The following RAB40B variants were observed in gnomAD, a reference collection of about 807,000 sequenced individuals.
RAB40B encodes RAB40B, member RAS oncogene family.
A neutral mutation model predicts 24.0 loss-of-function variants in RAB40B; 21 were observed. The observed-to-expected ratio is 0.88, with a 90% CI of 0.62 to 1.26. RAB40B has a LOEUF of 1.26. Among genes scored for constraint, RAB40B ranks in the 50% most tolerant of loss-of-function variants. RAB40B has a pLI of 0.00. For synonymous variants in RAB40B, 167 were observed against 169.8 expected, an observed-to-expected ratio of 0.98 and a Z score of 0.13; for missense variants, 348 against 390.5, an observed-to-expected ratio of 0.89 and a Z score of 0.92.
intron 2 of RAB40B, chr17:82,661,273 A>T: frequency 7.6e-7 from 1 of 1,322,918 alleles, no homozygotes; most frequent in Non-Finnish European, 9.6e-7. Flanking sequence ...AAGTCAAACT[A>T]GAAAAAATAG....
chr17:82,696,158 G>A (rs1477575854), intron 1 of RAB40B, among the ~76,000 whole-genome samples: 3 of 152,140 alleles, frequency 2.0e-5, no homozygotes, highest in Non-Finnish European at 2.9e-5. Context: ...GTGAGCCACC[G>A]CCCCCGGCCC....
Position 82,675,396 on chromosome 17 carries a change from C to T in RAB40B, c.143-10840G>A, listed in dbSNP as rs1400935665. Reference sequence around the variant, plus strand: ...CCTGTCTGACGTGGTCTCCACCAAGCGCTGGCTTCCTTCACAGCAGCACTT... The same window carrying T: ...CCTGTCTGACGTGGTCTCCACCAAGTGCTGGCTTCCTTCACAGCAGCACTT... On this transcript the variant is annotated intron_variant, in intron 1 of 5. Coordinates refer to ENST00000571995, the MANE Select transcript of RAB40B (RefSeq NM_006822.3). The surrounding 1 kb of genome is among the most constrained non-coding windows in gnomAD (Gnocchi z 4.5). Among the ~76,000 whole-genome samples the T allele has an allele frequency of 2.0e-5, 3 of 152,150 alleles. No individual in the cohort carries two copies. The highest frequency in any genetic ancestry group is 2.0e-4 in the Admixed American group (3 of 15,258).
chr17:82,687,919 A>G (rs560528869), intron 1 of RAB40B, among the ~76,000 whole-genome samples: 11 of 152,296 alleles, frequency 7.2e-5, no homozygotes, highest in Non-Finnish European at 1.3e-4. Context: ...TAAAAATAAA[A>G]TAATTAGCCG....
chr17:82,682,376 A>G (rs1040621689), intron 1 of RAB40B, among the ~76,000 whole-genome samples: 1 of 152,236 alleles, frequency 6.6e-6, no homozygotes, highest in African/African-American at 2.4e-5. Context: ...AGACTTATAT[A>G]TTAAAAGCTA....
intron 1 of RAB40B, among the ~76,000 whole-genome samples, chr17:82,670,030 A>C (rs138600310): frequency 5.3e-5 from 8 of 152,306 alleles, no homozygotes; most frequent in Non-Finnish European, 1.2e-4. Context: ...TCCAGCTTTG[A>C]TATGTCTGTC....
chr17:82,659,369 CT>C (rs2143444663), intron 4 of RAB40B: 1 of 571,818 alleles, frequency 1.7e-6, no homozygotes, highest in African/African-American at 1.9e-5. Context: ...TCTGGACCAG[CT>C]TCCTGAGCTT....
At chr17:82,686,914 C>T (rs919829255) in intron 1 of RAB40B, among the ~76,000 whole-genome samples, 3 of 152,026 alleles carry the variant, frequency 2.0e-5, no homozygotes, top group African/African-American at 7.2e-5. Context: ...CCATCCAGTG[C>T]TGGGGCGAAG....
chr17:82,664,854 G>A (rs1006865579), intron 1 of RAB40B: 7 of 296,714 alleles, frequency 2.4e-5, no homozygotes, highest in Non-Finnish European at 2.6e-5. Flanking sequence ...CCTGGAGGCC[G>A]GTGGGTTTGC....
In RAB40B at chr17:82,685,329, G is replaced by A. The variant is rs898442017; in HGVS notation, c.142+13126C>T. The stretch of plus-strand genomic sequence containing the variant: ...AACACCACAGAAAGAGACAGCACAC[G>A]CAGTGGTCCTCAACTGTGGCCGTGC... On this transcript the variant is annotated intron_variant, in intron 1 of 5. Transcript: ENST00000571995. Among the ~76,000 whole-genome samples, 4 of 151,682 alleles carry A rather than the reference G, an allele frequency of 2.6e-5. 1 individual carries two copies. Among genetic ancestry groups the A allele is most frequent in the Admixed American group, 2.0e-4 (3 of 15,232 alleles).
In RAB40B at chr17:82,664,538, G is replaced by T. The variant is rs760889224; in HGVS notation, c.161C>A (p.Thr54Asn). Residue 54 changes from threonine (T) to asparagine (N), a missense_variant, in exon 2 of 6, where the codon ACC becomes AAC. By Grantham distance (65) the Thr-to-Asn change is moderately conservative (BLOSUM62 0). Around this residue, in one of 3 missense-constraint regions of RAB40B, gnomAD observed 101 missense variants for 85.5 expected, o/e 1.18. Transcript: ENST00000571995. ...CCGCCGCCCGTCCAGCAGGATGGTG[G>T]TCGTCTTGTAGTCGATGCCTGCGGA... ...GHPAGIDYKT[T>N]TILLDGRRVK... is the part of the protein sequence containing the mutation. 2 of 1,613,504 alleles carry T rather than the reference G, an allele frequency of 1.2e-6. No homozygotes were observed. The highest frequency in any genetic ancestry group is 2.7e-5 in the African/African-American group (2 of 74,874).
chr17:82,685,733 C>A (rs2046492914), intron 1 of RAB40B, among the ~76,000 whole-genome samples: 1 of 152,208 alleles, frequency 6.6e-6, no homozygotes, highest in Non-Finnish European at 1.5e-5. Context: ...GTTGAAGTGT[C>A]CCCCAAAGGC....
At chr17:82,665,915 CTA>C (rs2046250387) in intron 1 of RAB40B, among the ~76,000 whole-genome samples, 1 of 149,860 alleles carries the variant, frequency 6.7e-6, no homozygotes, top group African/African-American at 2.5e-5. Flanking sequence ...AAAAAAAAAA[CTA>C]CACTTAAAAA....
At position 82,693,772 on chromosome 17, in the gene RAB40B, C is replaced by A. The variant is rs80075184; in HGVS notation, c.142+4683G>T. ...GAGAGTCTCTTTCACATAACGGGGG[C>A]CAGAGACACAGTCACAGAAGTGCAC... is the stretch of plus-strand genomic sequence containing the variant. On this transcript the variant is annotated intron_variant, in intron 1 of 5. Coordinates refer to ENST00000571995, the MANE Select transcript of RAB40B (RefSeq NM_006822.3). 9.1e-3 allele frequency among the ~76,000 whole-genome samples: 1,392 copies of A among 152,142 alleles called. 11 individuals carry two copies. Among genetic ancestry groups the A allele is most frequent in the Middle Eastern group, 0.037 (11 of 294 alleles).
chr17:82,658,687 C>T lies in RAB40B; in HGVS notation c.369G>A (p.Leu123=), dbSNP rs2046120630. 1 of 1,612,668 alleles carries T rather than the reference C, an allele frequency of 6.2e-7. No homozygotes were observed. The change falls in exon 5 of 6, where the codon CTG becomes CTA. Residue 123 remains leucine, a synonymous_variant. Transcript: ENST00000571995. ...ACGCCAGGTGCAGGCGGTTCCCCAC[C>T]AGGATCTTGGGGACTCCGGGGGCAT... ...DEHAPGVPKI[L]VGNRLHLAFK... is the part of the protein sequence containing the mutation.
intron 1 of RAB40B, among the ~76,000 whole-genome samples, chr17:82,668,605 G>A (rs1467775079): frequency 6.6e-6 from 1 of 152,270 alleles, no homozygotes; most frequent in Non-Finnish European, 1.5e-5. Flanking sequence ...GGACCCACCC[G>A]GATGGTCTGC....
intron 1 of RAB40B, among the ~76,000 whole-genome samples, chr17:82,687,678 T>C (rs2046515687): frequency 1.3e-5 from 2 of 152,164 alleles, no homozygotes; most frequent in Admixed American, 6.5e-5. Flanking sequence ...CTGTGAGAGG[T>C]GCTGGCATCC....
At chr17:82,674,407 G>A (rs1246755717) in intron 1 of RAB40B, among the ~76,000 whole-genome samples, 7 of 149,930 alleles carry the variant, frequency 4.7e-5, no homozygotes, top group African/African-American at 9.8e-5. Flanking sequence ...CAAGGTGGGC[G>A]GATCATGAGG....
Position 82,659,750 on chromosome 17 carries a change from T to C in RAB40B, c.265-93A>G, listed in dbSNP as rs2046138418. ...AAGACATACAACTAAATAACCACTT[T>C]CCTTATTTTAACACAAAGTACATAA... On this transcript the variant is annotated intron_variant, in intron 3 of 5. Coordinates refer to ENST00000571995, the MANE Select transcript of RAB40B (RefSeq NM_006822.3). 5.2e-6 allele frequency: 5 copies of C among 970,402 alleles called. No individual in the cohort carries two copies. In the East Asian group the frequency reaches 7.4e-5, roughly 14 times the overall value. The allele number at this position is 970,402 out of a possible 1,614,324, so 60.1% of individuals were successfully genotyped here. A position where few individuals can be genotyped will look rare whatever the true frequency, so the allele number is the denominator to read the frequency against.
At chr17:82,665,637 C>T (rs1456268604) in intron 1 of RAB40B, among the ~76,000 whole-genome samples, 6 of 152,000 alleles carry the variant, frequency 3.9e-5, no homozygotes, top group Admixed American at 2.0e-4. Context: ...GAGGCTGAGG[C>T]GGGTGGATCA....
Sources: allele counts gnomAD v4.1 joint callset (sites outside exome capture counted in the v4.1 genomes callset), GRCh38; gene constraint gnomAD v4.1.1; regional missense constraint gnomAD v4.1.1; non-coding constraint Gnocchi (gnomAD v3.1); transcripts MANE v1.5; gene names NCBI Gene and HGNC (gene_info 2026-07-23, HGNC 2026-07-21).